ZMYM6: variants seen among roughly 807,000 people sequenced by gnomAD.
ZMYM6 encodes zinc finger MYM-type containing 6.
In ZMYM6, 90 loss-of-function variants were observed where a neutral mutation model predicts 134.0. The ratio of observed to expected loss-of-function variants is 0.67; its 90% CI spans 0.57 to 0.80. The LOEUF is 0.80. Among genes scored for constraint, ZMYM6 ranks in the 30% least tolerant of loss-of-function variants. The probability of loss-of-function intolerance (pLI) is 0.00; values close to 1 mark genes in which losing one functional copy is unlikely to be tolerated. For synonymous variants in ZMYM6, 481 were observed against 524.1 expected (o/e 0.92, Z 1.12); for missense variants, 1,362 against 1,533.9 (o/e 0.89, Z 1.87).
chr1:35,009,921 G>GC (rs2148452536), intron 10 of ZMYM6, among the ~76,000 whole-genome samples: 1 of 152,212 alleles, frequency 6.6e-6, no homozygotes, highest in Non-Finnish European at 1.5e-5. Flanking sequence ...GAGTGACAGG[G>GC]CAAGACCTTG....
chr1:34,988,819 T>C lies in ZMYM6; in HGVS notation c.2263A>G (p.Ile755Val). Residue 755 changes from isoleucine (I) to valine (V), a missense_variant, in exon 16 of 16, where the codon ATC (isoleucine) becomes GTC (valine). Physicochemically the swap from Ile to Val is conservative, Grantham distance 29. Around this residue, in one of 3 missense-constraint regions of ZMYM6, gnomAD observed 824 missense variants for 940.9 expected, o/e 0.88. Coordinates refer to ENST00000357182, the MANE Select transcript of ZMYM6 (RefSeq NM_007167.4). The part of the protein sequence containing the change: ...DTEYLKVGFI[I>V]CPGSKESSPR... ...GAACTTTCTTTTGATCCAGGACAGA[T>C]AATAAAACCAACTTTTAAATATTCT... The C allele has an allele frequency of 1.3e-6, 2 of 1,561,658 alleles. No homozygotes were observed. Among genetic ancestry groups the C allele is most frequent in the East Asian group, 2.4e-5 (1 of 42,226 alleles).
Position 34,988,573 on chromosome 1 carries a change from A to G in ZMYM6, c.2509T>C (p.Phe837Leu). The G allele has an allele frequency of 6.4e-7, 1 of 1,551,166 alleles. No homozygotes were observed. Among genetic ancestry groups the G allele is most frequent in the Non-Finnish European group, 8.7e-7 (1 of 1,146,894 alleles). The change falls in exon 16 of 16, where the codon TTC becomes CTC. Residue 837 changes from phenylalanine (F) to leucine (L), a missense_variant. By Grantham distance (22) the Phe-to-Leu change is conservative. Transcript: ENST00000357182. The part of the protein sequence containing the change: ...SLVKASYLIA[F>L]QTAASKKPFS... Reference sequence around the variant, plus strand: ...GGCTTCTTGCTTGCAGCAGTTTGGAAAGCAATTAAATAAGAAGCTTTCACA... The same window carrying G: ...GGCTTCTTGCTTGCAGCAGTTTGGAGAGCAATTAAATAAGAAGCTTTCACA...
At chr1:35,000,833 A>G (rs995796025) in intron 14 of ZMYM6, among the ~76,000 whole-genome samples, 15 of 152,208 alleles carry the variant, frequency 9.9e-5, no homozygotes, top group African/African-American at 3.6e-4. Flanking sequence ...TTTAAAAAAG[A>G]AGAAAAAGGT....
intron 14 of ZMYM6, among the ~76,000 whole-genome samples, chr1:34,996,853 T>C (rs766457376): frequency 2.6e-5 from 4 of 152,204 alleles, no homozygotes; most frequent in Non-Finnish European, 5.9e-5. Context: ...ACCCTGCCCA[T>C]GTAGAGCTAT....
At chr1:35,005,424 T>C in intron 12 of ZMYM6, 152 bp from the exon 13 acceptor site, 1 of 819,746 alleles carries the variant, frequency 1.2e-6, no homozygotes. Flanking sequence ...TGGGTGACTC[T>C]GGTCAGATTA....
chr1:35,006,760 T>C (rs1640987418), intron 12 of ZMYM6, among the ~76,000 whole-genome samples, 191 bp downstream of exon 12: 1 of 152,210 alleles, frequency 6.6e-6, no homozygotes, highest in African/African-American at 2.4e-5. Context: ...TGCTTGACTA[T>C]CAGAGCAAAA....
intron 2 of ZMYM6, among the ~76,000 whole-genome samples, chr1:35,029,634 TGCA>T (rs1449596998): frequency 6.6e-6 from 1 of 152,230 alleles, no homozygotes; most frequent in African/African-American, 2.4e-5. Context: ...TCACTGTTCC[TGCA>T]GGTCTTAAAA....
chr1:35,013,726 C>CT (rs1477700385), intron 6 of ZMYM6: 1 of 963,068 alleles, frequency 1.0e-6, no homozygotes, highest in Non-Finnish European at 1.2e-6. Flanking sequence ...CAGTCTTGCT[C>CT]TGTCACCCAG....
chr1:35,007,002 A>T lies in ZMYM6; in HGVS notation c.1762T>A (p.Leu588Met), dbSNP rs752649137. 1 of 1,613,094 alleles carries T rather than the reference A, an allele frequency of 6.2e-7. No homozygotes were observed. The highest frequency in any genetic ancestry group is 1.1e-5 in the South Asian group (1 of 90,658). Reference sequence around the variant, plus strand: ...ATAATTTGCTGATGACAAAACTCCAAGACACAAAATAGGTTACAGAAATGT... The same window carrying T: ...ATAATTTGCTGATGACAAAACTCCATGACACAAAATAGGTTACAGAAATGT... The part of the protein sequence containing the change: ...IKHFCNLFCV[L>M]EFCHQQIMND... The change falls in exon 12 of 16, where the codon TTG (leucine) becomes ATG (methionine). Residue 588 changes from leucine to methionine, a missense_variant. Leu to Met is a conservative substitution (Grantham distance 15, BLOSUM62 2). This residue lies in a region of ZMYM6 where 824 missense variants were observed against 940.9 expected (regional missense o/e 0.88). Coordinates refer to ENST00000357182, the MANE Select transcript of ZMYM6 (RefSeq NM_007167.4).
rs146341082 is a variant in ZMYM6, at chr1:34,996,860, C to G, written c.1993-4473G>C. Among the ~76,000 whole-genome samples the G allele has an allele frequency of 3.3e-4, 50 of 152,284 alleles. 1 individual carries two copies. In the East Asian group the frequency reaches 7.9e-3, roughly 24 times the overall value. On this transcript the variant is annotated intron_variant, in intron 14 of 15. Coordinates refer to ENST00000357182, the MANE Select transcript of ZMYM6 (RefSeq NM_007167.4). ...CATTTCAGACCCTGCCCATGTAGAG[C>G]TATTTTTTTCTAATTCACACAATAA...
In ZMYM6 at chr1:35,015,033, G is replaced by A; in HGVS notation, c.558C>T (p.Thr186=). Residue 186 remains threonine (T), a synonymous_variant, in exon 5 of 16, where the codon ACC becomes ACT. Transcript: ENST00000357182. ...LKKKPVVTIY[T]KSISTKCSMC... ...TACTGCACTTAGTTGAAATGCTTTT[G>A]GTATATATGGTAACAACAGGTTTTT... 1 of 1,613,266 alleles carries A rather than the reference G, an allele frequency of 6.2e-7. No homozygotes were observed.
intron 14 of ZMYM6, among the ~76,000 whole-genome samples, chr1:34,997,888 A>G (rs745578440): frequency 2.0e-5 from 3 of 152,134 alleles, no homozygotes; most frequent in Non-Finnish European, 4.4e-5. Context: ...TTTCTTCCAT[A>G]TGTCTACTCA....
chr1:34,994,399 T>G (rs1313464144), intron 14 of ZMYM6, among the ~76,000 whole-genome samples: 2 of 152,144 alleles, frequency 1.3e-5, no homozygotes, highest in African/African-American at 2.4e-5. Context: ...TGCAAAGGTC[T>G]AAGGTCTGAA....
intron 6 of ZMYM6, among the ~76,000 whole-genome samples, chr1:35,014,219 C>T (rs1641141845): frequency 6.6e-6 from 1 of 152,176 alleles, no homozygotes; most frequent in African/African-American, 2.4e-5. Context: ...ATTTTATCAT[C>T]TTAACTCTTG....
At chr1:34,996,488 C>G (rs1640786741) in intron 14 of ZMYM6, among the ~76,000 whole-genome samples, 1 of 152,228 alleles carries the variant, frequency 6.6e-6, no homozygotes, top group African/African-American at 2.4e-5. Flanking sequence ...CTCCCCTAGT[C>G]ATTCAATTAT....
intron 2 of ZMYM6, 57 bp downstream of exon 2, chr1:35,030,490 G>C: frequency 6.5e-7 from 1 of 1,535,832 alleles, no homozygotes; most frequent in Admixed American, 2.1e-5. Context: ...TTTTTCAGTT[G>C]ACCAGATGGA....
intron 2 of ZMYM6, among the ~76,000 whole-genome samples, chr1:35,026,847 T>TG (rs1206271401): frequency 6.6e-6 from 1 of 152,154 alleles, no homozygotes; most frequent in African/African-American, 2.4e-5. Flanking sequence ...TGCTAGGAAT[T>TG]GGAGATTCAG....
At chr1:34,993,775 C>G (rs777708421) in intron 14 of ZMYM6, among the ~76,000 whole-genome samples, 1 of 152,066 alleles carries the variant, frequency 6.6e-6, no homozygotes, top group Non-Finnish European at 1.5e-5. Context: ...CCTCTGCCTC[C>G]TGGATTCATG....
chr1:35,031,589 C>G (rs1433334545), intron 1 of ZMYM6: 1 of 152,318 alleles, frequency 6.6e-6, no homozygotes, highest in Non-Finnish European at 1.5e-5. Context: ...CCGAAATTCT[C>G]CTTCCCACCA....
Sources: allele counts gnomAD v4.1 joint callset (sites outside exome capture counted in the v4.1 genomes callset), GRCh38; gene constraint gnomAD v4.1.1; regional missense constraint gnomAD v4.1.1; transcripts MANE v1.5; gene names NCBI Gene and HGNC (gene_info 2026-07-23, HGNC 2026-07-21).